GLCCI1: variants seen among roughly 807,000 people sequenced by gnomAD.
GLCCI1 encodes the protein glucocorticoid-induced transcript 1 protein.
GLCCI1 carries 24 observed loss-of-function variants against 52.2 expected under a neutral mutation model. The observed-to-expected ratio is 0.46, with a 90% CI of 0.33 to 0.65. The LOEUF (loss-of-function observed/expected upper bound fraction) is 0.65, where lower values mean the gene tolerates loss of function less well. Ranked by LOEUF, GLCCI1 falls within the 30% of genes least tolerant of loss-of-function variation. GLCCI1 has a pLI of 0.02. For missense variants in GLCCI1, 704 were observed against 701.5 expected (o/e 1.00, Z -0.04); for synonymous variants, 310 against 276.5 (o/e 1.12, Z -1.20).
At chr7:8,014,742 A>G (rs1041457902) in intron 2 of GLCCI1, among the ~76,000 whole-genome samples, 1 of 152,166 alleles carries the variant, frequency 6.6e-6, no homozygotes, top group East Asian at 1.9e-4. Context: ...AATTTCTTCC[A>G]TGGCACTTGG....
At chr7:8,001,658 G>A (rs147420655) in intron 1 of GLCCI1, among the ~76,000 whole-genome samples, 5,581 of 152,330 alleles carry the variant, frequency 0.037, 143 homozygotes, top group Non-Finnish European at 0.057. Flanking sequence ...GCACACGTAT[G>A]TTTATTGCGG....
intron 3 of GLCCI1, among the ~76,000 whole-genome samples, chr7:8,028,833 C>G (rs1289068999): frequency 1.3e-5 from 2 of 151,966 alleles, no homozygotes; most frequent in Admixed American, 6.6e-5. Flanking sequence ...AACTATATGC[C>G]AATAAATTGG....
chr7:8,030,391 G>A (rs935298920), intron 3 of GLCCI1, among the ~76,000 whole-genome samples: 13 of 152,082 alleles, frequency 8.5e-5, no homozygotes, highest in Non-Finnish European at 1.8e-4. Context: ...ATAAAATCAA[G>A]ATGGATTAAA....
intron 3 of GLCCI1, among the ~76,000 whole-genome samples, chr7:8,034,673 G>A (rs1024177923): frequency 2.6e-5 from 4 of 152,164 alleles, no homozygotes; most frequent in African/African-American, 7.2e-5. Flanking sequence ...ATATCAAGGG[G>A]AGAGTGCTGG....
chr7:8,035,446 A>T (rs1204379538), intron 3 of GLCCI1, among the ~76,000 whole-genome samples: 2 of 152,214 alleles, frequency 1.3e-5, no homozygotes, highest in African/African-American at 4.8e-5. Context: ...GTACAGGCGT[A>T]TCACAAGACA....
chr7:7,980,919 T>C, intron 1 of GLCCI1: 1 of 604,476 alleles, frequency 1.7e-6, no homozygotes, highest in Non-Finnish European at 3.1e-6. Flanking sequence ...TATTAATCCC[T>C]GATCAATCAC....
At chr7:8,027,544 A>T (rs1781648483) in intron 3 of GLCCI1, among the ~76,000 whole-genome samples, 1 of 152,106 alleles carries the variant, frequency 6.6e-6, no homozygotes, top group Admixed American at 6.6e-5. Flanking sequence ...GGAAGACAAG[A>T]AGGGTAGAAA....
At chr7:8,049,570 A>G (rs1013805800) in intron 3 of GLCCI1, among the ~76,000 whole-genome samples, 14 of 152,218 alleles carry the variant, frequency 9.2e-5, no homozygotes, top group Non-Finnish European at 1.5e-4. Context: ...TGAAGGTCAC[A>G]TAAATTGTTT....
chr7:8,085,153 G>C, intron 7 of GLCCI1, 136 bp downstream of exon 7: 7 of 930,168 alleles, frequency 7.5e-6, no homozygotes, highest in Non-Finnish European at 1.1e-5. Flanking sequence ...AAAGAGAATT[G>C]AATAGGCAAG....
At chr7:8,071,769 C>T (rs771576980) in intron 6 of GLCCI1, among the ~76,000 whole-genome samples, 6 of 152,132 alleles carry the variant, frequency 3.9e-5, no homozygotes, top group Admixed American at 1.3e-4. Flanking sequence ...GACCTAGCTA[C>T]AGAAGGCCAT....
intron 1 of GLCCI1, among the ~76,000 whole-genome samples, chr7:7,992,993 T>C (rs1028289325): frequency 6.6e-6 from 1 of 152,166 alleles, no homozygotes; most frequent in African/African-American, 2.4e-5. Context: ...TTTTCATCAC[T>C]GTTGTCATTT....
chr7:8,047,122 C>A (rs904310226), intron 3 of GLCCI1, among the ~76,000 whole-genome samples: 4 of 152,064 alleles, frequency 2.6e-5, no homozygotes, highest in African/African-American at 9.7e-5. Flanking sequence ...GAAATGACAA[C>A]CAGGTTATCA....
chr7:8,078,452 T>C (rs1782921661), intron 6 of GLCCI1, among the ~76,000 whole-genome samples: 1 of 152,198 alleles, frequency 6.6e-6, no homozygotes, highest in South Asian at 2.1e-4. Context: ...GTCAGCAATT[T>C]TGAATCTGTA....
intron 1 of GLCCI1, among the ~76,000 whole-genome samples, chr7:7,984,444 C>G (rs916243989): frequency 6.6e-6 from 1 of 152,022 alleles, no homozygotes; most frequent in African/African-American, 2.4e-5. Context: ...TTTTATAGTC[C>G]CTCCTAAAGA....
chr7:8,036,049 G>T (rs1781860497), intron 3 of GLCCI1, among the ~76,000 whole-genome samples: 1 of 152,192 alleles, frequency 6.6e-6, no homozygotes, highest in South Asian at 2.1e-4. Flanking sequence ...AGTAAACAAA[G>T]ATCAAGCATA....
intron 3 of GLCCI1, among the ~76,000 whole-genome samples, chr7:8,045,421 G>C (rs796783931): frequency 2.6e-5 from 4 of 152,290 alleles, no homozygotes; most frequent in African/African-American, 9.6e-5. Context: ...GCCCCAGCTG[G>C]AATTGGTTGT....
At chr7:8,056,272 T>G (rs1782395235) in intron 4 of GLCCI1, among the ~76,000 whole-genome samples, 1 of 152,336 alleles carries the variant, frequency 6.6e-6, no homozygotes, top group South Asian at 2.1e-4. Flanking sequence ...CACTCCAGCC[T>G]GGGTGACAGA....
intron 6 of GLCCI1, among the ~76,000 whole-genome samples, chr7:8,083,508 TCCTC>T (rs1318498013): frequency 1.3e-5 from 2 of 152,096 alleles, no homozygotes; most frequent in African/African-American, 4.8e-5. Flanking sequence ...TCCTCCTCCT[TCCTC>T]CCATTTGTTC....
chr7:8,029,283 G>A (rs753684206), intron 3 of GLCCI1, among the ~76,000 whole-genome samples: 2 of 152,130 alleles, frequency 1.3e-5, no homozygotes, highest in African/African-American at 2.4e-5. Context: ...TCCCAGGGAT[G>A]CAAAGATGGT....
Sources: gnomAD v4.1 joint callset for allele counts (sites outside exome capture counted in the v4.1 genomes callset) on GRCh38, gnomAD v4.1.1 for gene constraint, MANE v1.5 for transcripts, NCBI Gene and HGNC (gene_info 2026-07-23, HGNC 2026-07-21) for gene names.